The following TLN2 variants were observed in gnomAD, a reference collection of about 807,000 sequenced individuals.
TLN2 encodes the protein talin 2, also known as talin-2.
TLN2 carries 118 observed loss-of-function variants against 294.7 expected under a neutral mutation model. The ratio of observed to expected loss-of-function variants is 0.40; its 90% CI spans 0.34 to 0.47. TLN2 has a LOEUF of 0.47. Ranked by LOEUF, TLN2 falls within the 20% of genes least tolerant of loss-of-function variation. The pLI, the probability that TLN2 is intolerant of heterozygous loss-of-function variation, is 0.84. For missense variants in TLN2, 3,083 were observed against 3,282.2 expected (o/e 0.94, Z 1.48); for synonymous variants, 1,431 against 1,304.5 (o/e 1.10, Z -2.09).
intron 9 of TLN2, among the ~76,000 whole-genome samples, chr15:62,673,310 C>CTTTTTTTTTTTTTTTTTTTTTTTTTTTTT (rs56258541): frequency 9.3e-5 from 4 of 42,898 alleles, no homozygotes; most frequent in Non-Finnish European, 1.7e-4. Flanking sequence ...TTAGATGTTG[C>CTTTTTTTTTTTTTTTTTTTTTTTTTTTTT]TTTTTTTTTT....
chr15:62,505,986 T>G (rs916816026), intron 1 of TLN2, among the ~76,000 whole-genome samples: 1 of 152,244 alleles, frequency 6.6e-6, no homozygotes, highest in Non-Finnish European at 1.5e-5. Context: ...ATTCTATTTA[T>G]GGAACTAATA....
At chr15:62,578,587 C>T (rs1327297915) in intron 1 of TLN2, among the ~76,000 whole-genome samples, 1 of 152,084 alleles carries the variant, frequency 6.6e-6, no homozygotes, top group East Asian at 1.9e-4. Context: ...ACAAAAACCC[C>T]CATCTCCTGC....
At chr15:62,660,079 G>C (rs2053647396) in intron 9 of TLN2, among the ~76,000 whole-genome samples, 1 of 152,148 alleles carries the variant, frequency 6.6e-6, no homozygotes. Context: ...TAATGAGAAG[G>C]TTGGACTTGT....
intron 3 of TLN2, among the ~76,000 whole-genome samples, chr15:62,627,276 G>T (rs1313423258): frequency 1.3e-5 from 2 of 152,142 alleles, no homozygotes; most frequent in African/African-American, 2.4e-5. Context: ...CTATATTGTT[G>T]TGCCTTTTGG....
chr15:62,738,913 G>C (rs533663817), intron 30 of TLN2, among the ~76,000 whole-genome samples: 1 of 152,174 alleles, frequency 6.6e-6, no homozygotes, highest in Non-Finnish European at 1.5e-5. Flanking sequence ...TATAATTGGT[G>C]GCTATTAGTT....
intron 54 of TLN2, among the ~76,000 whole-genome samples, chr15:62,825,465 G>A (rs2067968820): frequency 6.6e-6 from 1 of 151,716 alleles, no homozygotes; most frequent in South Asian, 2.1e-4. Flanking sequence ...GTTCAGGAAG[G>A]AGGAGGACAA....
At position 62,647,321 on chromosome 15, in the gene TLN2, T is replaced by C. The variant is rs758960977; in HGVS notation, c.11T>C (p.Leu4Pro). 7 of 1,614,162 alleles carry C rather than the reference T, an allele frequency of 4.3e-6. No individual in the cohort carries two copies. The highest frequency in any genetic ancestry group is 2.5e-6 in the Non-Finnish European group (3 of 1,180,002). The part of the protein sequence containing the change: MVA[L>P]SLKICVRHCN... ...ACATCATCTAGGAAAATGGTGGCCCTGTCCTTAAAGATTTGTGTGCGCCAC... is the reference window on the plus strand; with the variant it reads ...ACATCATCTAGGAAAATGGTGGCCCCGTCCTTAAAGATTTGTGTGCGCCAC... The change falls in exon 4 of 59, where the codon CTG becomes CCG. Residue 4 changes from leucine (L) to proline (P), a missense_variant. Physicochemically the swap from Leu to Pro is moderately conservative, Grantham distance 98 (BLOSUM62 -3). Transcript: ENST00000636159.
chr15:62,724,995 C>T lies in TLN2; in HGVS notation c.3146C>T (p.Pro1049Leu), dbSNP rs1337663070. 3 of 1,612,076 alleles carry T rather than the reference C, an allele frequency of 1.9e-6. No homozygotes were observed. The highest frequency in any genetic ancestry group is 1.7e-6 in the Non-Finnish European group (2 of 1,179,004). ...ASQKAHEACG[P>L]MEIDSALNTV... ...TGGCAGGCCCATGAAGCTTGTGGTC[C>T]GATGGAAATCGATTCAGCTCTGAAT... The change falls in exon 27 of 59, where the codon CCG becomes CTG. Residue 1049 changes from proline (P) to leucine (L), a missense_variant. Physicochemically the swap from Pro to Leu is moderately conservative, Grantham distance 98 (BLOSUM62 -3). Coordinates refer to ENST00000636159, the MANE Select transcript of TLN2 (RefSeq NM_015059.3).
chr15:62,446,996 A>ATTTTTTTT (rs2035855359), intron 1 of TLN2, among the ~76,000 whole-genome samples: 1 of 152,166 alleles, frequency 6.6e-6, no homozygotes, highest in Non-Finnish European at 1.5e-5. Flanking sequence ...TCCTGAACAA[A>ATTTTTTTT]TGGGTTTTTA....
At chr15:62,703,701 G>A (rs565826570) in intron 19 of TLN2, among the ~76,000 whole-genome samples, 5 of 151,864 alleles carry the variant, frequency 3.3e-5, no homozygotes, top group African/African-American at 7.3e-5. Flanking sequence ...TTTATTTTTT[G>A]TGTCTTATCC....
chr15:62,809,780 C>T (rs760021101), intron 51 of TLN2, 145 bp from the exon 52 acceptor site: 12 of 695,320 alleles, frequency 1.7e-5, no homozygotes, highest in Non-Finnish European at 2.5e-5. Flanking sequence ...GGCAGGAGGA[C>T]GTAGAGGAGA....
At chr15:62,490,930 C>A (rs1211403206) in intron 1 of TLN2, among the ~76,000 whole-genome samples, 1 of 152,166 alleles carries the variant, frequency 6.6e-6, no homozygotes, top group African/African-American at 2.4e-5. Context: ...TAAGGGTACA[C>A]ACCGTTGACA....
At chr15:62,770,465 A>G (rs1313949732) in intron 41 of TLN2, among the ~76,000 whole-genome samples, 1 of 152,150 alleles carries the variant, frequency 6.6e-6, no homozygotes, top group African/African-American at 2.4e-5. Flanking sequence ...GCTGATGTGA[A>G]ATCATTTGTG....
At chr15:62,761,480 A>C (rs3803498) in intron 37 of TLN2, among the ~76,000 whole-genome samples, 14,446 of 152,114 alleles carry the variant, frequency 0.095, 921 homozygotes, top group East Asian at 0.23. Context: ...CTACACATTT[A>C]ATTCTCCACA....
chr15:62,722,837 T>G (rs1382527273), intron 26 of TLN2, among the ~76,000 whole-genome samples: 1 of 152,230 alleles, frequency 6.6e-6, no homozygotes, highest in Non-Finnish European at 1.5e-5. Flanking sequence ...TAAATTGTAG[T>G]CCAGAATAAG....
intron 27 of TLN2, among the ~76,000 whole-genome samples, chr15:62,726,401 C>G (rs1411032446): frequency 6.6e-6 from 1 of 152,204 alleles, no homozygotes; most frequent in African/African-American, 2.4e-5. Context: ...TCCAAAACCT[C>G]ATCTAGTAAT....
chr15:62,609,564 C>T (rs560228295), intron 2 of TLN2, among the ~76,000 whole-genome samples: 1 of 152,250 alleles, frequency 6.6e-6, no homozygotes, highest in East Asian at 1.9e-4. Flanking sequence ...GTAGAGTATC[C>T]CTCAGTTGAG....
At chr15:62,463,962 T>A (rs1359574213) in intron 1 of TLN2, among the ~76,000 whole-genome samples, 1 of 152,144 alleles carries the variant, frequency 6.6e-6, no homozygotes, top group Non-Finnish European at 1.5e-5. Flanking sequence ...ATAGGAATGT[T>A]TTTACACTGT....
At chr15:62,450,820 C>T (rs1392512430) in intron 1 of TLN2, among the ~76,000 whole-genome samples, 1 of 152,084 alleles carries the variant, frequency 6.6e-6, no homozygotes, top group African/African-American at 2.4e-5. Flanking sequence ...GTCCTTCTAC[C>T]TCAGCCTCCT....
Sources: allele counts gnomAD v4.1 joint callset (sites outside exome capture counted in the v4.1 genomes callset), GRCh38; gene constraint gnomAD v4.1.1; transcripts MANE v1.5; gene names NCBI Gene and HGNC (gene_info 2026-07-23, HGNC 2026-07-21).